UNC13C: variants seen among roughly 807,000 people sequenced by gnomAD.
The protein encoded by UNC13C is unc-13 homolog C, also known as protein unc-13 homolog C.
Under a neutral mutation model 245.4 loss-of-function variants are expected in UNC13C, and 174 were observed. That is an observed-to-expected ratio of 0.71 (90% CI 0.63 to 0.80). The LOEUF is 0.80. UNC13C is among the 30% of genes least tolerant of loss of function. The probability of loss-of-function intolerance (pLI) is 0.00; values close to 1 mark genes in which losing one functional copy is unlikely to be tolerated. For synonymous variants in UNC13C, 992 were observed against 895.1 expected, an observed-to-expected ratio of 1.11 and a Z score of -1.93; for missense variants, 2,829 against 2,602.9, an observed-to-expected ratio of 1.09 and a Z score of -1.89.
chr15:54,362,169 T>G (rs1265426948), intron 17 of UNC13C, among the ~76,000 whole-genome samples: 6 of 152,316 alleles, frequency 3.9e-5, no homozygotes, highest in African/African-American at 1.2e-4. Flanking sequence ...GACGTACTCT[T>G]TATCCAATTT....
intron 30 of UNC13C, among the ~76,000 whole-genome samples, chr15:54,605,881 A>G (rs765848706): frequency 4.6e-5 from 7 of 152,214 alleles, no homozygotes; most frequent in Admixed American, 6.5e-5. Context: ...GGCCAGTGCT[A>G]CTTGCAACTA....
At chr15:54,165,197 T>C (rs2033121922) in intron 4 of UNC13C, among the ~76,000 whole-genome samples, 1 of 152,132 alleles carries the variant, frequency 6.6e-6, no homozygotes, top group South Asian at 2.1e-4. Flanking sequence ...GAAATATCTG[T>C]GTGTTTGTGT....
intron 4 of UNC13C, among the ~76,000 whole-genome samples, chr15:54,233,587 A>T (rs142690313): frequency 6.6e-6 from 1 of 152,260 alleles, no homozygotes; most frequent in East Asian, 1.9e-4. Context: ...GAATTTTATG[A>T]CACATTTAGT....
chr15:54,524,222 C>T (rs1167574556), intron 24 of UNC13C, among the ~76,000 whole-genome samples: 2 of 149,608 alleles, frequency 1.3e-5, no homozygotes, highest in Admixed American at 6.6e-5. Context: ...ATAGAAGTCT[C>T]TATCTGTTAT....
At chr15:54,033,148 T>A (rs946878101) in intron 2 of UNC13C, among the ~76,000 whole-genome samples, 2 of 152,076 alleles carry the variant, frequency 1.3e-5, no homozygotes, top group Non-Finnish European at 2.9e-5. Context: ...AAAAAAAATT[T>A]AAGATGTTCC....
chr15:54,574,609 G>A (rs1897883579), intron 30 of UNC13C, among the ~76,000 whole-genome samples: 1 of 152,136 alleles, frequency 6.6e-6, no homozygotes, highest in Non-Finnish European at 1.5e-5. Context: ...TGCAGCTTGA[G>A]TGACCTGAAT....
intron 2 of UNC13C, among the ~76,000 whole-genome samples, chr15:54,138,298 T>A (rs915244878): frequency 6.6e-6 from 1 of 152,108 alleles, no homozygotes; most frequent in African/African-American, 2.4e-5. Context: ...TTTTAAAATA[T>A]TTTCAACAAT....
At chr15:54,405,386 G>T (rs1006810700) in intron 18 of UNC13C, among the ~76,000 whole-genome samples, 18 of 152,106 alleles carry the variant, frequency 1.2e-4, no homozygotes, top group African/African-American at 3.9e-4. Flanking sequence ...TGGAAAATAA[G>T]CCTCTAGCAA....
rs369610802 is a variant in UNC13C at position 54,297,896 on chromosome 15, A to G, written c.4074A>G (p.Pro1358=). ...VEIKGEEKVA[P]YHIQYTCLHE... ...TAAAAGGAGAAGAGAAGGTTGCTCC[A>G]TATCATATTCAATATACATGTTTAC... The change falls in exon 12 of 33, where the codon CCA becomes CCG. Residue 1358 remains proline (P), a synonymous_variant. Coordinates refer to ENST00000260323, the MANE Select transcript of UNC13C (RefSeq NM_001080534.3). 1.9e-6 allele frequency: 3 copies of G among 1,606,178 alleles called. No individual in the cohort carries two copies. The highest frequency in any genetic ancestry group is 1.1e-5 in the South Asian group (1 of 89,272).
intron 19 of UNC13C, among the ~76,000 whole-genome samples, chr15:54,429,778 A>G (rs1303702509): frequency 6.6e-6 from 1 of 151,666 alleles, no homozygotes; most frequent in Non-Finnish European, 1.5e-5. Flanking sequence ...CCATTTTGCT[A>G]TTCCTTTAAT....
chr15:54,138,670 C>A (rs533498845), intron 2 of UNC13C, among the ~76,000 whole-genome samples: 1 of 152,026 alleles, frequency 6.6e-6, no homozygotes, highest in East Asian at 1.9e-4. Flanking sequence ...TGAAACAGTG[C>A]CAATCTTAAC....
intron 13 of UNC13C, among the ~76,000 whole-genome samples, chr15:54,309,091 A>C (rs552465714): frequency 2.6e-4 from 39 of 151,976 alleles, no homozygotes; most frequent in Non-Finnish European, 4.4e-4. Context: ...ACTGTTTGTC[A>C]TAATTGCTGT....
chr15:54,396,670 C>A (rs917197816), intron 18 of UNC13C, among the ~76,000 whole-genome samples: 9 of 151,566 alleles, frequency 5.9e-5, no homozygotes, highest in African/African-American at 2.2e-4. Flanking sequence ...TCCAAAGTGG[C>A]TGTACCATGC....
the UNC13C span, among the ~76,000 whole-genome samples, chr15:53,889,102 C>A: frequency 6.6e-6 from 1 of 152,060 alleles, no homozygotes; most frequent in Admixed American, 6.6e-5. Context: ...TCAATGGTAG[C>A]TTGATGGGGA....
At chr15:54,370,764 T>C (rs2039470310) in intron 17 of UNC13C, among the ~76,000 whole-genome samples, 1 of 152,156 alleles carries the variant, frequency 6.6e-6, no homozygotes, top group African/African-American at 2.4e-5. Context: ...TCAAATAATA[T>C]CTGAATATGG....
At chr15:54,411,812 TTTG>T (rs1203109023) in intron 18 of UNC13C, among the ~76,000 whole-genome samples, 13 of 152,210 alleles carry the variant, frequency 8.5e-5, no homozygotes, top group African/African-American at 3.1e-4. Context: ...TTAGAATCAG[TTTG>T]TTAATTTCCA....
chr15:54,421,198 T>A (rs574296767), intron 19 of UNC13C, among the ~76,000 whole-genome samples: 8 of 152,142 alleles, frequency 5.3e-5, no homozygotes, highest in African/African-American at 1.9e-4. Flanking sequence ...AGATTCCTGG[T>A]GATTCTAGTA....
intron 2 of UNC13C, among the ~76,000 whole-genome samples, chr15:54,137,101 G>A (rs1005428930): frequency 6.6e-6 from 1 of 152,166 alleles, no homozygotes; most frequent in Admixed American, 6.5e-5. Flanking sequence ...ACTTGGGCCT[G>A]CCAAAGTGGA....
chr15:54,573,129 G>T (rs992994491), intron 30 of UNC13C, among the ~76,000 whole-genome samples: 3 of 151,974 alleles, frequency 2.0e-5, no homozygotes, highest in African/African-American at 7.3e-5. Context: ...ATAATAAATG[G>T]TTTAATAAAT....
Sources: allele counts gnomAD v4.1 joint callset (sites outside exome capture counted in the v4.1 genomes callset), GRCh38; gene constraint gnomAD v4.1.1; transcripts MANE v1.5; gene names NCBI Gene and HGNC (gene_info 2026-07-23, HGNC 2026-07-21).